NTNG2: variants seen among roughly 807,000 people sequenced by gnomAD.
The protein encoded by NTNG2 is netrin-G2.
Under a neutral mutation model 47.6 loss-of-function variants are expected in NTNG2, and 15 were observed. The ratio of observed to expected loss-of-function variants is 0.32; its 90% CI spans 0.21 to 0.49. The LOEUF (loss-of-function observed/expected upper bound fraction) is 0.49, where lower values mean the gene tolerates loss of function less well. Ranked by LOEUF, NTNG2 falls within the 20% of genes least tolerant of loss-of-function variation. The pLI is 0.99. For synonymous variants in NTNG2, 307 were observed against 324.6 expected, an observed-to-expected ratio of 0.95 and a Z score of 0.58; for missense variants, 578 against 764.6, an observed-to-expected ratio of 0.76 and a Z score of 2.88.
chr9:132,164,638 G>C (rs1012102748), intron 1 of NTNG2, among the ~76,000 whole-genome samples: 7 of 152,248 alleles, frequency 4.6e-5, no homozygotes, highest in African/African-American at 1.7e-4. Flanking sequence ...AATAGACACC[G>C]GGCACGTTCT....
intron 2 of NTNG2, among the ~76,000 whole-genome samples, chr9:132,175,744 T>G (rs1305970630): frequency 2.0e-5 from 3 of 151,102 alleles, no homozygotes; most frequent in African/African-American, 7.3e-5. Flanking sequence ...GGAGTCAGAG[T>G]GCTAGGCCCT....
At position 132,231,387 on chromosome 9, in the gene NTNG2, C is replaced by A. The variant is rs1308550948; in HGVS notation, c.1054+792C>A. On this transcript the variant is annotated intron_variant, in intron 5 of 7. Coordinates refer to ENST00000393229, the MANE Select transcript of NTNG2 (RefSeq NM_032536.4). This position sits in a 1 kb window ranked among gnomAD's most constrained non-coding sequence, Gnocchi z 4.1. ...TGTCAAAGAGCCAGCCGGGAGCAGA[C>A]CCCAAATCTCAGAGATGCTTCTGGG... is the stretch of plus-strand genomic sequence containing the variant. The A allele has an allele frequency of 4.4e-6, 2 of 454,824 alleles. No homozygotes were observed. The highest frequency in any genetic ancestry group is 7.0e-5 in the East Asian group (1 of 14,278). The allele number at this position is 454,824 out of a possible 1,614,324, so 28.2% of individuals were successfully genotyped here.
chr9:132,186,201 A>G (rs1323818135), intron 2 of NTNG2, among the ~76,000 whole-genome samples: 1 of 152,136 alleles, frequency 6.6e-6, no homozygotes, highest in Non-Finnish European at 1.5e-5. Flanking sequence ...ATGCAAGAGA[A>G]GGGGAGCCTT....
At position 132,166,581 on chromosome 9, in the gene NTNG2, A is replaced by G. The variant is rs1835514087; in HGVS notation, c.-251A>G. ...TGATACCAGGGTTAGGAGGACGTGAAGTTATGGGCAACTTTCTGATCTGTC... is the reference window on the plus strand; with the variant it reads ...TGATACCAGGGTTAGGAGGACGTGAGGTTATGGGCAACTTTCTGATCTGTC... On this transcript the variant is annotated 5_prime_UTR_variant, in exon 2 of 8. Transcript: ENST00000393229. 2 of 538,120 alleles carry G rather than the reference A, an allele frequency of 3.7e-6. No individual in the cohort carries two copies. The highest frequency in any genetic ancestry group is 6.7e-6 in the Non-Finnish European group (2 of 296,996). 33.3% of individuals were successfully genotyped at this position (538,120 alleles called of 1,614,324 possible).
chr9:132,163,629 T>TC lies in NTNG2; in HGVS notation c.-484+1396dup, dbSNP rs1213017780. Among the ~76,000 whole-genome samples the TC allele has an allele frequency of 6.6e-6, 1 of 150,886 alleles. No individual in the cohort carries two copies. The highest frequency in any genetic ancestry group is 2.4e-5 in the African/African-American group (1 of 40,952). ...AGGGAACCCCGGGGTGGGCTGAGTA[T>TC]CCCCCCTAGCCCCGGGAGCCCCCAG... On this transcript the variant is annotated intron_variant, in intron 1 of 7. Transcript: ENST00000393229. The surrounding 1 kb of genome is among the most constrained non-coding windows in gnomAD (Gnocchi z 7.2).
intron 4 of NTNG2, among the ~76,000 whole-genome samples, chr9:132,227,249 G>T (rs749799660): frequency 2.7e-4 from 41 of 152,312 alleles, no homozygotes; most frequent in Non-Finnish European, 4.3e-4. Context: ...GTGCGTGCAT[G>T]CACCCCCACA....
chr9:132,172,812 C>G (rs1444498973), intron 2 of NTNG2, among the ~76,000 whole-genome samples: 1 of 146,744 alleles, frequency 6.8e-6, no homozygotes, highest in Non-Finnish European at 1.5e-5. Flanking sequence ...TCGCTGCAAG[C>G]TCTGCCTCCT....
At chr9:132,228,767 A>G (rs551859897) in intron 4 of NTNG2, among the ~76,000 whole-genome samples, 1 of 152,234 alleles carries the variant, frequency 6.6e-6, no homozygotes, top group South Asian at 2.1e-4. Flanking sequence ...CATGTTGCCC[A>G]GGCTGGTCTC....
chr9:132,198,871 A>G (rs939880305), intron 3 of NTNG2, among the ~76,000 whole-genome samples: 3 of 151,930 alleles, frequency 2.0e-5, no homozygotes, highest in Admixed American at 2.0e-4. Context: ...TTGGGATGTT[A>G]CCTGGTACCT....
At position 132,171,150 on chromosome 9, in the gene NTNG2, G is replaced by C. The variant is rs534573507; in HGVS notation, c.213+4106G>C. On this transcript the variant is annotated intron_variant, in intron 2 of 7. Coordinates refer to ENST00000393229, the MANE Select transcript of NTNG2 (RefSeq NM_032536.4). ...AGGAGCCAGTGGAAGGTTCCAGAGAGAGGCAGCACTACCTCCTGACAAGAG... is the reference window on the plus strand; with the variant it reads ...AGGAGCCAGTGGAAGGTTCCAGAGACAGGCAGCACTACCTCCTGACAAGAG... 2.0e-5 allele frequency among the ~76,000 whole-genome samples: 3 copies of C among 152,282 alleles called. No individual in the cohort carries two copies. The South Asian group carries it at 6.2e-4, about 32-fold the overall frequency.
chr9:132,213,554 A>C (rs1839763524), intron 3 of NTNG2, among the ~76,000 whole-genome samples: 1 of 152,078 alleles, frequency 6.6e-6, no homozygotes, highest in South Asian at 2.1e-4. Flanking sequence ...GTCCTCAGAA[A>C]GCGAGGGCCC....
chr9:132,169,028 T>C (rs1233088673), intron 2 of NTNG2, among the ~76,000 whole-genome samples: 3 of 152,058 alleles, frequency 2.0e-5, no homozygotes, highest in Non-Finnish European at 4.4e-5. Flanking sequence ...GGGGAGGTGG[T>C]CACCCCTCCC....
chr9:132,205,550 C>T (rs1300158617), intron 3 of NTNG2, among the ~76,000 whole-genome samples: 1 of 152,192 alleles, frequency 6.6e-6, no homozygotes, highest in East Asian at 1.9e-4. Flanking sequence ...TTGCACAGCA[C>T]TGTGGATGTG....
Position 132,182,841 on chromosome 9 carries a change from G to A in NTNG2, c.214-15125G>A, listed in dbSNP as rs1267919466. On this transcript the variant is annotated intron_variant, in intron 2 of 7. Coordinates refer to ENST00000393229, the MANE Select transcript of NTNG2 (RefSeq NM_032536.4). The surrounding 1 kb of genome is among the most constrained non-coding windows in gnomAD (Gnocchi z 4.2). ...CTCTAAGCCACTCGGCTGGCTCTCA[G>A]CCGGGGTGCACACTGGACTTGCCTG... 1.3e-5 allele frequency among the ~76,000 whole-genome samples: 2 copies of A among 152,186 alleles called. No individual in the cohort carries two copies. The highest frequency in any genetic ancestry group is 2.9e-5 in the Non-Finnish European group (2 of 68,040).
chr9:132,241,279 G>A (rs1417424215), intron 7 of NTNG2, among the ~76,000 whole-genome samples: 2 of 152,036 alleles, frequency 1.3e-5, no homozygotes, highest in African/African-American at 4.8e-5. Flanking sequence ...AGCGGGGCAG[G>A]GTTGGGATAG....
chr9:132,195,417 T>C (rs1215157696), intron 2 of NTNG2, among the ~76,000 whole-genome samples: 1 of 151,428 alleles, frequency 6.6e-6, no homozygotes, highest in Non-Finnish European at 1.5e-5. Flanking sequence ...CATGCCATTC[T>C]CCTGCCTCAG....
chr9:132,162,553 T>TGAGA lies in NTNG2; in HGVS notation c.-484+315_-484+316insAGAG, dbSNP rs1470039619. Among the ~76,000 whole-genome samples, 37 of 93,964 alleles carry TGAGA rather than the reference T, an allele frequency of 3.9e-4. No individual in the cohort carries two copies. The highest frequency in any genetic ancestry group is 1.6e-3 in the African/African-American group (29 of 18,656). The allele number at this position is 93,964 out of a possible 152,430, so 61.6% of individuals were successfully genotyped here. A position where few individuals can be genotyped will look rare whatever the true frequency, so the allele number is the denominator to read the frequency against. On this transcript the variant is annotated intron_variant, in intron 1 of 7. Coordinates refer to ENST00000393229, the MANE Select transcript of NTNG2 (RefSeq NM_032536.4). The surrounding 1 kb of genome is among the most constrained non-coding windows in gnomAD (Gnocchi z 4.6). ...GTGTGAGAGTGTGTGTGTGTGTGTGTGTGAGAGAGAGACAGAGTGTGTGTG... is the reference window on the plus strand; with the variant it reads ...GTGTGAGAGTGTGTGTGTGTGTGTGTGAGAGTGAGAGAGAGACAGAGTGTGTGTG...
intron 4 of NTNG2, among the ~76,000 whole-genome samples, chr9:132,227,790 C>T (rs954250591): frequency 1.3e-5 from 2 of 152,332 alleles, no homozygotes; most frequent in South Asian, 2.1e-4. Context: ...CACCCGGGCG[C>T]GCTAGCGTAG....
At chr9:132,194,717 A>G (rs7870760) in intron 2 of NTNG2, among the ~76,000 whole-genome samples, 86,052 of 152,190 alleles carry the variant, frequency 0.57, 27,157 homozygotes, top group African/African-American at 0.87. Context: ...GAGGTTGCAT[A>G]GGGGCCTGAG....
Sources: allele counts gnomAD v4.1 joint callset (sites outside exome capture counted in the v4.1 genomes callset), GRCh38; gene constraint gnomAD v4.1.1; non-coding constraint Gnocchi (gnomAD v3.1); transcripts MANE v1.5; gene names NCBI Gene and HGNC (gene_info 2026-07-23, HGNC 2026-07-21).